Variants in WWC1 observed in about 807,000 individuals in gnomAD.
WWC1 encodes protein KIBRA.
In WWC1, 55 loss-of-function variants were observed where a neutral mutation model predicts 138.4. The ratio of observed to expected loss-of-function variants is 0.40; its 90% CI spans 0.32 to 0.50. The LOEUF (loss-of-function observed/expected upper bound fraction) is 0.50, where lower values mean the gene tolerates loss of function less well. Ranked by LOEUF, WWC1 falls within the 20% of genes least tolerant of loss-of-function variation. WWC1 has a pLI of 0.72. For missense variants in WWC1, 1,226 were observed against 1,420.4 expected (o/e 0.86, Z 2.20); for synonymous variants, 524 against 564.9 (o/e 0.93, Z 1.03).
chr5:168,331,643 A>G (rs1003094574), intron 1 of WWC1, among the ~76,000 whole-genome samples: 2 of 152,248 alleles, frequency 1.3e-5, no homozygotes, highest in Non-Finnish European at 2.9e-5. Context: ...TGCTTGCACC[A>G]TGCACAAATA....
intron 1 of WWC1, among the ~76,000 whole-genome samples, chr5:168,319,985 TG>T (rs1771925506): frequency 6.6e-6 from 1 of 152,138 alleles, no homozygotes; most frequent in South Asian, 2.1e-4. Context: ...ATTGTGGTTT[TG>T]GTTTGCATTT....
intron 21 of WWC1, among the ~76,000 whole-genome samples, chr5:168,466,595 A>G (rs1757316440): frequency 6.6e-6 from 1 of 152,254 alleles, no homozygotes; most frequent in Non-Finnish European, 1.5e-5. Flanking sequence ...TGGCAGTTCT[A>G]AAGTTCCAGA....
At chr5:168,354,805 G>C (rs1321173461) in intron 1 of WWC1, among the ~76,000 whole-genome samples, 2 of 152,158 alleles carry the variant, frequency 1.3e-5, no homozygotes, top group African/African-American at 4.8e-5. Context: ...TGAGCTTCCA[G>C]AGTGAACAGT....
Position 168,446,617 on chromosome 5 carries a change from A to G in WWC1, c.2525+2032A>G, listed in dbSNP as rs1009130315. On this transcript the variant is annotated intron_variant, in intron 17 of 22. Coordinates refer to ENST00000265293, the MANE Select transcript of WWC1 (RefSeq NM_015238.3). ...AACTAGCACCAAATCAAGAAGCAGA[A>G]TGTGACGAGCACCACAGAAGCCCAC... Among the ~76,000 whole-genome samples, 4 of 152,262 alleles carry G rather than the reference A, an allele frequency of 2.6e-5. No individual in the cohort carries two copies. The East Asian group carries it at 5.8e-4, about 22-fold the overall frequency.
intron 1 of WWC1, among the ~76,000 whole-genome samples, chr5:168,310,196 C>A (rs1770937440): frequency 6.6e-6 from 1 of 152,116 alleles, no homozygotes; most frequent in African/African-American, 2.4e-5. Context: ...TTAAGAAGAC[C>A]TTTCCCCTGT....
chr5:168,451,093 A>G (rs1032521496), intron 17 of WWC1, among the ~76,000 whole-genome samples: 1 of 130,726 alleles, frequency 7.6e-6, no homozygotes, highest in African/African-American at 2.6e-5. Flanking sequence ...ATCTCGGCTC[A>G]CTGCAATCTC....
chr5:168,296,695 T>C (rs1165548410), intron 1 of WWC1, among the ~76,000 whole-genome samples: 1 of 152,140 alleles, frequency 6.6e-6, no homozygotes, highest in African/African-American at 2.4e-5. Flanking sequence ...CTAACAACCC[T>C]GGGACTAGGT....
At chr5:168,424,133 AC>A (rs1561746267) in intron 11 of WWC1, 65 bp downstream of exon 11, 1 of 1,512,346 alleles carries the variant, frequency 6.6e-7, no homozygotes, top group South Asian at 1.3e-5. Context: ...TGTGCTCAGA[AC>A]CCCCCAGTGA....
intron 1 of WWC1, among the ~76,000 whole-genome samples, chr5:168,320,345 T>C (rs976662799): frequency 6.6e-6 from 1 of 152,160 alleles, no homozygotes; most frequent in Non-Finnish European, 1.5e-5. Context: ...CATATGCTTT[T>C]TAAAAAGCCA....
At chr5:168,316,876 C>T (rs1379647637) in intron 1 of WWC1, 3 of 152,148 alleles carry the variant, frequency 2.0e-5, no homozygotes, top group African/African-American at 7.2e-5. Flanking sequence ...GTTTCTGAAC[C>T]CATTCCCTTT....
At chr5:168,336,101 C>T (rs1773429864) in intron 1 of WWC1, among the ~76,000 whole-genome samples, 1 of 152,228 alleles carries the variant, frequency 6.6e-6, no homozygotes, top group South Asian at 2.1e-4. Flanking sequence ...GCAAACCCCT[C>T]CCTTAACCGC....
Position 168,292,026 on chromosome 5 carries a change from C to T in WWC1, c.-127C>T. On this transcript the variant is annotated 5_prime_UTR_variant, in exon 1 of 23. Coordinates refer to ENST00000265293, the MANE Select transcript of WWC1 (RefSeq NM_015238.3). This position sits in a 1 kb window ranked among gnomAD's most constrained non-coding sequence, Gnocchi z 4.4. ...GCCGGCCCCTACTAGGGCCCCCCAT[C>T]TGCGGGCGCCACCCCCCGGATCATG... 1 of 1,194,048 alleles carries T rather than the reference C, an allele frequency of 8.4e-7. No homozygotes were observed. The highest frequency in any genetic ancestry group is 2.1e-5 in the South Asian group (1 of 47,240). The allele number at this position is 1,194,048 out of a possible 1,614,324, so 74.0% of individuals were successfully genotyped here. A position where few individuals can be genotyped will look rare whatever the true frequency, so the allele number is the denominator to read the frequency against.
At chr5:168,466,537 C>T (rs542472963) in intron 21 of WWC1, among the ~76,000 whole-genome samples, 9 of 152,176 alleles carry the variant, frequency 5.9e-5, no homozygotes, top group Non-Finnish European at 1.2e-4. Flanking sequence ...AGGAAGATGA[C>T]GCCGGACTTC....
chr5:168,468,716 A>C (rs1757503356), intron 22 of WWC1, among the ~76,000 whole-genome samples: 1 of 152,184 alleles, frequency 6.6e-6, no homozygotes. Flanking sequence ...GTTCTCAACC[A>C]GGGGTGATTT....
intron 1 of WWC1, 47 bp from the exon 2 acceptor site, chr5:168,371,377 T>A: frequency 6.8e-7 from 1 of 1,462,306 alleles, no homozygotes; most frequent in South Asian, 1.2e-5. Flanking sequence ...TTGCAGGCAT[T>A]TGGGGACTGT....
chr5:168,417,513 C>T (rs1456338969), intron 9 of WWC1, among the ~76,000 whole-genome samples: 2 of 152,154 alleles, frequency 1.3e-5, no homozygotes, highest in Non-Finnish European at 2.9e-5. Flanking sequence ...AACTGAGGCT[C>T]ACCCGAGATC....
rs1307755734 is a variant in WWC1, at chr5:168,406,234, C to T, written c.627C>T (p.Tyr209=). ...AAATGTCTGATGCTCAGGGCAGCTACAAACTGGATGAAGCTCAGGCTGTCT... is the reference window on the plus strand; with the variant it reads ...AAATGTCTGATGCTCAGGGCAGCTATAAACTGGATGAAGCTCAGGCTGTCT... ...DKKMSDAQGS[Y]KLDEAQAVLR... The change falls in exon 6 of 23, where the codon TAC becomes TAT. Residue 209 remains tyrosine, a synonymous_variant. Coordinates refer to ENST00000265293, the MANE Select transcript of WWC1 (RefSeq NM_015238.3). 1 of 1,614,100 alleles carries T rather than the reference C, an allele frequency of 6.2e-7. No homozygotes were observed. The highest frequency in any genetic ancestry group is 1.7e-5 in the Admixed American group (1 of 60,022).
At chr5:168,436,057 G>A (rs1250271356) in intron 15 of WWC1, among the ~76,000 whole-genome samples, 2 of 152,054 alleles carry the variant, frequency 1.3e-5, no homozygotes, top group African/African-American at 2.4e-5. Flanking sequence ...TGGCCACGCT[G>A]GTCTCAAACT....
At chr5:168,384,654 C>A (rs1777898082) in intron 2 of WWC1, among the ~76,000 whole-genome samples, 1 of 151,598 alleles carries the variant, frequency 6.6e-6, no homozygotes, top group African/African-American at 2.4e-5. Context: ...CAAACCTGAT[C>A]CTTATTCAGG....
Sources: gnomAD v4.1 joint callset for allele counts (sites outside exome capture counted in the v4.1 genomes callset) on GRCh38, gnomAD v4.1.1 for gene constraint, Gnocchi (gnomAD v3.1) non-coding constraint, MANE v1.5 for transcripts, NCBI Gene and HGNC (gene_info 2026-07-23, HGNC 2026-07-21) for gene names.